The following TMPRSS4 variants were observed in gnomAD, a reference collection of about 807,000 sequenced individuals.
TMPRSS4 encodes the protein transmembrane serine protease 4.
In TMPRSS4, 45 loss-of-function variants were observed where a neutral mutation model predicts 56.4. The ratio of observed to expected loss-of-function variants is 0.80; its 90% confidence interval spans 0.63 to 1.02. The LOEUF (loss-of-function observed/expected upper bound fraction) is 1.02, where lower values mean the gene tolerates loss of function less well. Ranked by LOEUF, TMPRSS4 falls within the 50% of genes least tolerant of loss-of-function variation. The pLI is 0.00. For synonymous variants in TMPRSS4, 205 were observed against 211.0 expected (o/e 0.97, Z 0.25); for missense variants, 546 against 556.7 (o/e 0.98, Z 0.19).
At chr11:118,089,215 A>G (rs2135296685) in intron 1 of TMPRSS4, among the ~76,000 whole-genome samples, 1 of 152,196 alleles carries the variant, frequency 6.6e-6, no homozygotes, top group South Asian at 2.1e-4. Flanking sequence ...CTCCTCTTCC[A>G]AAGGTGTATC....
At chr11:118,123,384 C>G (rs1276793718), downstream of TMPRSS4, among the ~76,000 whole-genome samples, 1 of 152,054 alleles carries the variant, frequency 6.6e-6, no homozygotes, top group Non-Finnish European at 1.5e-5. Flanking sequence ...ACAGGAAATA[C>G]AAGAATTAGA....
rs1947126380 is a variant in TMPRSS4, at chr11:118,108,742, C to T, written c.543-114C>T. The stretch of plus-strand genomic sequence containing the variant: ...CAAATGTTCCCCACTGTGCAGCTTC[C>T]ACATTCCCGAGGTATTGGGAGGGGA... On this transcript the variant is annotated intron_variant, in intron 6 of 12. Coordinates refer to ENST00000437212, the MANE Select transcript of TMPRSS4 (RefSeq NM_019894.4). 3.0e-6 allele frequency: 3 copies of T among 992,476 alleles called. No individual in the cohort carries two copies. In the South Asian group the frequency reaches 4.4e-5, roughly 14 times the overall value. The allele number at this position is 992,476 out of a possible 1,614,324, so 61.5% of individuals were successfully genotyped here. A position where few individuals can be genotyped will look rare whatever the true frequency, so the allele number is the denominator to read the frequency against.
chr11:118,114,925 G>A lies in TMPRSS4; in HGVS notation c.1007G>A (p.Gly336Glu), dbSNP rs1485509527. 3 of 1,599,360 alleles carry A rather than the reference G, an allele frequency of 1.9e-6. No homozygotes were observed. Among genetic ancestry groups the A allele is most frequent in the Middle Eastern group, 1.7e-4 (1 of 5,864 alleles). Residue 336 changes from glycine (G) to glutamate (E), a missense_variant and splice_region_variant, in exon 10 of 13, where the codon GGA (glycine) becomes GAA (glutamate). By Grantham distance (98) the Gly-to-Glu change is moderately conservative. Transcript: ENST00000437212. ...GGATGGGGCTTTACGAAGCAGAATG[G>A]AGGTAAGTCCTGGGTGCAGGACCAC... ...IIGWGFTKQN[G>E]GKMSDILLQA...
intron 3 of TMPRSS4, among the ~76,000 whole-genome samples, chr11:118,101,896 G>A (rs150109624): frequency 6.9e-4 from 105 of 152,256 alleles, no homozygotes; most frequent in African/African-American, 2.2e-3. Context: ...ATCTAAAGAC[G>A]GCGAGCAGAA....
At chr11:118,079,092 A>G (rs605805) in intron 1 of TMPRSS4, among the ~76,000 whole-genome samples, 31,538 of 151,990 alleles carry the variant, frequency 0.21, 3,559 homozygotes, top group East Asian at 0.41. Context: ...TGGAGGGGTC[A>G]GGTCAGGCCT....
chr11:118,107,668 A>G (rs1294427233), intron 5 of TMPRSS4, 106 bp from the exon 6 acceptor site: 2 of 911,668 alleles, frequency 2.2e-6, no homozygotes, highest in African/African-American at 1.6e-5. Context: ...ACTCCCCACC[A>G]AGCATTCTCT....
intron 3 of TMPRSS4, among the ~76,000 whole-genome samples, chr11:118,099,479 G>GA (rs112136667): frequency 1.5e-4 from 2 of 13,374 alleles, no homozygotes; most frequent in Non-Finnish European, 5.1e-4. Context: ...AAGAAAGAAA[G>GA]AAAAAGAAAG....
At chr11:118,083,028 C>T (rs182045692) in intron 1 of TMPRSS4, among the ~76,000 whole-genome samples, 1 of 152,316 alleles carries the variant, frequency 6.6e-6, no homozygotes, top group East Asian at 1.9e-4. Context: ...CCCCCACCCC[C>T]GCCACTTCTG....
chr11:118,103,208 G>A lies in TMPRSS4; in HGVS notation c.265G>A (p.Glu89Lys), dbSNP rs767122955. ...GELDCPLGEDEEHCVKSFPEG... is the reference protein window; with the variant it reads ...GELDCPLGEDKEHCVKSFPEG... ...GCTGGACTGTCCCTTGGGGGAGGAC[G>A]AGGAGCACTGTGTCAAGAGCTTCCC... Residue 89 changes from glutamate (E) to lysine (K), a missense_variant, in exon 4 of 13, where the codon GAG (glutamate) becomes AAG (lysine). Physicochemically the swap from Glu to Lys is moderately conservative, Grantham distance 56. Transcript: ENST00000437212. 85 of 1,614,078 alleles carry A rather than the reference G, an allele frequency of 5.3e-5. No individual in the cohort carries two copies. Among genetic ancestry groups the A allele is most frequent in the East Asian group, 1.1e-4 (5 of 44,902 alleles).
Position 118,079,779 on chromosome 11 carries a change from G to A in TMPRSS4, c.3+2474G>A, listed in dbSNP as rs1573581. 4.2e-3 allele frequency among the ~76,000 whole-genome samples: 633 copies of A among 152,312 alleles called. 2 individuals are homozygous for A. The highest frequency in any genetic ancestry group is 0.01 in the Middle Eastern group (3 of 294). ...ACGTGGCAGTCAGGAGCCAGCCTGC[G>A]GGCAGCGGGGTGCTGGGAGCACTGC... is the stretch of plus-strand genomic sequence containing the variant. On this transcript the variant is annotated intron_variant, in intron 1 of 12. Coordinates refer to ENST00000437212, the MANE Select transcript of TMPRSS4 (RefSeq NM_019894.4).
Position 118,077,318 on chromosome 11 carries a change from C to G in TMPRSS4, c.3+13C>G, listed in dbSNP as rs985970556. 5 of 1,596,504 alleles carry G rather than the reference C, an allele frequency of 3.1e-6. No homozygotes were observed. The highest frequency in any genetic ancestry group is 4.3e-6 in the Non-Finnish European group (5 of 1,171,410). On this transcript the variant is annotated intron_variant, in intron 1 of 12. Transcript: ENST00000437212. ...CAGAGCCAGCATGGTGAGTGTGGGGCCCTCTGCTCCCAAGACACAGGAAGG... is the reference window on the plus strand; with the variant it reads ...CAGAGCCAGCATGGTGAGTGTGGGGGCCTCTGCTCCCAAGACACAGGAAGG...
At position 118,120,448 on chromosome 11, in the gene TMPRSS4, A is replaced by G. The variant is rs543090769; in HGVS notation, c.*2535A>G. The G allele has an allele frequency of 6.6e-6, 1 of 152,348 alleles. No individual in the cohort carries two copies. The highest frequency in any genetic ancestry group is 6.5e-5 in the Admixed American group (1 of 15,302). 9.4% of individuals were successfully genotyped at this position (152,348 alleles called of 1,614,324 possible). A position where few individuals can be genotyped will look rare whatever the true frequency, so the allele number is the denominator to read the frequency against. On this transcript the variant is annotated 3_prime_UTR_variant, in exon 13 of 13. Coordinates refer to ENST00000437212, the MANE Select transcript of TMPRSS4 (RefSeq NM_019894.4). Reference sequence around the variant, plus strand: ...TTCCCATCAACAGTTTGCAGGAGTTACTATTTCTCCATATCCCCCCTAACA... The same window carrying G: ...TTCCCATCAACAGTTTGCAGGAGTTGCTATTTCTCCATATCCCCCCTAACA...
rs141791273 is a variant in TMPRSS4, at chr11:118,077,081, C to T, written c.-222C>T. On this transcript the variant is annotated 5_prime_UTR_variant, in exon 1 of 13. Coordinates refer to ENST00000437212, the MANE Select transcript of TMPRSS4 (RefSeq NM_019894.4). ...AGCTGCCCAAAGTCCCCCAATCACT[C>T]CTGGAATACACAGAGAGAGGCAGCA... 3.7e-6 allele frequency: 2 copies of T among 534,718 alleles called. No homozygotes were observed. Among genetic ancestry groups the T allele is most frequent in the Non-Finnish European group, 6.6e-6 (2 of 301,432 alleles). The allele number at this position is 534,718 out of a possible 1,614,324, so 33.1% of individuals were successfully genotyped here. A position where few individuals can be genotyped will look rare whatever the true frequency, so the allele number is the denominator to read the frequency against.
Position 118,119,442 on chromosome 11 carries a change from C to A in TMPRSS4, c.*1529C>A. ...TGAGCTCACAATCAAAGATCAGAGA[C>A]GTTGAAAAATAAAAAACACCTTAAG... On this transcript the variant is annotated 3_prime_UTR_variant, in exon 13 of 13. Coordinates refer to ENST00000437212, the MANE Select transcript of TMPRSS4 (RefSeq NM_019894.4). 1.1e-6 allele frequency: 1 copy of A among 870,606 alleles called. No homozygotes were observed. The highest frequency in any genetic ancestry group is 1.4e-6 in the Non-Finnish European group (1 of 725,652). The allele number at this position is 870,606 out of a possible 1,614,324, so 53.9% of individuals were successfully genotyped here.
At chr11:118,090,639 G>T (rs553385854) in intron 1 of TMPRSS4, among the ~76,000 whole-genome samples, 1 of 149,312 alleles carries the variant, frequency 6.7e-6, no homozygotes, top group African/African-American at 2.5e-5. Context: ...ATAGCTGGGC[G>T]TGATGGTGCA....
chr11:118,114,937 G>A lies in TMPRSS4; in HGVS notation c.1009+10G>A, dbSNP rs1263619287. The A allele has an allele frequency of 1.9e-6, 3 of 1,592,604 alleles. No individual in the cohort carries two copies. The South Asian group carries it at 3.4e-5, about 18-fold the overall frequency. On this transcript the variant is annotated intron_variant, in intron 10 of 12. Transcript: ENST00000437212. The stretch of plus-strand genomic sequence containing the variant: ...ACGAAGCAGAATGGAGGTAAGTCCT[G>A]GGTGCAGGACCACAGGGCAGGAGAT...
chr11:118,125,314 G>A (rs1250146677), downstream of TMPRSS4: 1 of 456,624 alleles, frequency 2.2e-6, no homozygotes, highest in Non-Finnish European at 4.4e-6. Context: ...ATTCAGAGAA[G>A]CTGTAACTCC....
intron 1 of TMPRSS4, among the ~76,000 whole-genome samples, chr11:118,090,817 CACAA>C (rs1323880040): frequency 5.4e-4 from 78 of 144,572 alleles, no homozygotes; most frequent in African/African-American, 1.6e-3. Context: ...CACACACACA[CACAA>C]ACACACACAC....
chr11:118,114,761 C>G, intron 9 of TMPRSS4, 68 bp from the exon 10 acceptor site: 1 of 1,429,244 alleles, frequency 7.0e-7, no homozygotes, highest in East Asian at 2.5e-5. Flanking sequence ...CATAAAGCAT[C>G]ATAATTTACA....
Sources: allele counts gnomAD v4.1 joint callset (sites outside exome capture counted in the v4.1 genomes callset), GRCh38; gene constraint gnomAD v4.1.1; transcripts MANE v1.5; gene names NCBI Gene and HGNC (gene_info 2026-07-23, HGNC 2026-07-21).